The following RGS6 variants were observed in gnomAD, a reference collection of about 807,000 sequenced individuals.
RGS6 encodes the protein regulator of G protein signaling 6, also known as regulator of G-protein signaling 6.
A neutral mutation model predicts 78.5 loss-of-function variants in RGS6; 30 were observed. The ratio of observed to expected loss-of-function variants is 0.38; its 90% CI spans 0.29 to 0.52. The LOEUF is 0.52. RGS6 is among the 20% of genes least tolerant of loss of function. The pLI, the probability that RGS6 is intolerant of heterozygous loss-of-function variation, is 0.85. For missense variants in RGS6, 495 were observed against 609.7 expected (o/e 0.81, Z 1.98); for synonymous variants, 206 against 206.0 (o/e 1.00, Z 0.00).
chr14:72,021,891 AG>A (rs2088677368), intron 2 of RGS6, among the ~76,000 whole-genome samples: 1 of 152,018 alleles, frequency 6.6e-6, no homozygotes, highest in Non-Finnish European at 1.5e-5. Context: ...TATTAAGCCT[AG>A]TACCCAATAA....
In RGS6 at chr14:72,021,464, CTTT is replaced by C. The variant is rs533727083; in HGVS notation, c.84+56608_84+56610del. 4.6e-3 allele frequency among the ~76,000 whole-genome samples: 566 copies of C among 122,348 alleles called. 4 individuals are homozygous for C. The highest frequency in any genetic ancestry group is 0.015 in the African/African-American group (463 of 31,532). 80.3% of individuals were successfully genotyped at this position (122,348 alleles called of 152,430 possible). A position where few individuals can be genotyped will look rare whatever the true frequency, so the allele number is the denominator to read the frequency against. ...TTTTTTTCTTTTTTCCTTTTTCTAACTTTTTTTTTTTTTTTTTTTTTGAGATGG... is the reference window on the plus strand; with the variant it reads ...TTTTTTTCTTTTTTCCTTTTTCTAACTTTTTTTTTTTTTTTTTTGAGATGG... On this transcript the variant is annotated intron_variant, in intron 2 of 17. Transcript: ENST00000553525.
intron 15 of RGS6, among the ~76,000 whole-genome samples, chr14:72,525,221 T>C (rs2097102995): frequency 6.6e-6 from 1 of 152,164 alleles, no homozygotes; most frequent in Non-Finnish European, 1.5e-5. Context: ...GAGACAACCT[T>C]GGGGAGTACA....
At chr14:71,920,899 CAATT>C in the RGS6 span, among the ~76,000 whole-genome samples, 1 of 152,006 alleles carries the variant, frequency 6.6e-6, no homozygotes, top group Non-Finnish European at 1.5e-5. Flanking sequence ...GCAAAGGAAA[CAATT>C]AACAGAGTAA....
chr14:72,383,299 G>T (rs2086826739), intron 3 of RGS6, among the ~76,000 whole-genome samples: 2 of 150,786 alleles, frequency 1.3e-5, no homozygotes, highest in African/African-American at 4.9e-5. Context: ...GTATCACGAG[G>T]TGGGACTAAA....
intron 2 of RGS6, among the ~76,000 whole-genome samples, chr14:72,077,687 C>A (rs558814941): frequency 6.6e-6 from 1 of 152,158 alleles, no homozygotes; most frequent in Non-Finnish European, 1.5e-5. Context: ...ATACTTACAT[C>A]TAAAGAACAA....
intron 3 of RGS6, among the ~76,000 whole-genome samples, chr14:72,420,350 G>C (rs1479226183): frequency 1.3e-5 from 2 of 152,220 alleles, no homozygotes; most frequent in Non-Finnish European, 2.9e-5. Context: ...ATTGGGAGAA[G>C]CTAGAGATTT....
At chr14:72,007,657 G>A (rs2084835301) in intron 2 of RGS6, among the ~76,000 whole-genome samples, 1 of 152,118 alleles carries the variant, frequency 6.6e-6, no homozygotes. Flanking sequence ...TCTCAGGGAA[G>A]CCAAAAGATT....
chr14:72,381,335 A>T (rs902140383), intron 3 of RGS6, among the ~76,000 whole-genome samples: 10 of 152,144 alleles, frequency 6.6e-5, no homozygotes, highest in Non-Finnish European at 1.5e-5. Context: ...AATGTTTGAG[A>T]TGATAGACTA....
intron 2 of RGS6, among the ~76,000 whole-genome samples, chr14:72,233,111 G>A (rs111717202): frequency 1.3e-5 from 2 of 152,312 alleles, no homozygotes; most frequent in African/African-American, 2.4e-5. Context: ...GAGGGAGCAG[G>A]CCCCAGAAGG....
At chr14:72,254,428 C>CT (rs1399525155) in intron 2 of RGS6, among the ~76,000 whole-genome samples, 2 of 152,076 alleles carry the variant, frequency 1.3e-5, no homozygotes, top group Non-Finnish European at 2.9e-5. Context: ...CTTCCTTTGC[C>CT]TTATCCCCTT....
chr14:72,261,510 T>A (rs1182696721), intron 2 of RGS6, among the ~76,000 whole-genome samples: 1 of 152,058 alleles, frequency 6.6e-6, no homozygotes, highest in Non-Finnish European at 1.5e-5. Context: ...GTGAAAGTGA[T>A]GGAAAAATGA....
chr14:72,447,282 C>T (rs2095389366), intron 3 of RGS6, among the ~76,000 whole-genome samples: 1 of 151,986 alleles, frequency 6.6e-6, no homozygotes, highest in African/African-American at 2.4e-5. Flanking sequence ...TGCTTTCTGC[C>T]CTCACTTCCG....
intron 16 of RGS6, among the ~76,000 whole-genome samples, chr14:72,536,806 C>A (rs933825193): frequency 2.0e-5 from 3 of 152,122 alleles, no homozygotes; most frequent in African/African-American, 7.2e-5. Flanking sequence ...CTTGACACCC[C>A]CTTCCTCTCC....
chr14:72,107,243 CAAAAA>C (rs375088598), intron 2 of RGS6, among the ~76,000 whole-genome samples: 1 of 145,010 alleles, frequency 6.9e-6, no homozygotes, highest in Non-Finnish European at 1.5e-5. Flanking sequence ...AAGAAAAAAA[CAAAAA>C]AAAAACATGA....
At chr14:72,215,378 G>T (rs1380746507) in intron 2 of RGS6, among the ~76,000 whole-genome samples, 1 of 152,164 alleles carries the variant, frequency 6.6e-6, no homozygotes, top group African/African-American at 2.4e-5. Context: ...GTTTCTCCCT[G>T]TTAGAAATGC....
intron 6 of RGS6, among the ~76,000 whole-genome samples, 156 bp downstream of exon 6, chr14:72,459,839 T>C (rs2153233597): frequency 6.6e-6 from 1 of 152,298 alleles, no homozygotes; most frequent in Middle Eastern, 3.4e-3. Flanking sequence ...ATAACAAATC[T>C]CCTGTTCCAC....
chr14:72,161,487 G>C (rs2096852784), intron 2 of RGS6, among the ~76,000 whole-genome samples: 1 of 152,176 alleles, frequency 6.6e-6, no homozygotes, highest in South Asian at 2.1e-4. Context: ...GGAAGAATCT[G>C]TGCGAATCTC....
chr14:72,429,235 T>C (rs1323629575), intron 3 of RGS6, among the ~76,000 whole-genome samples: 1 of 152,104 alleles, frequency 6.6e-6, no homozygotes, highest in African/African-American at 2.4e-5. Flanking sequence ...TCTAATAAAT[T>C]CCCAAGTGAT....
At chr14:72,177,452 A>G (rs908480125) in intron 2 of RGS6, among the ~76,000 whole-genome samples, 1 of 152,202 alleles carries the variant, frequency 6.6e-6, no homozygotes, top group African/African-American at 2.4e-5. Flanking sequence ...CAGGGGAAGC[A>G]TGGCACCAGT....
Sources: gnomAD v4.1 joint callset for allele counts (sites outside exome capture counted in the v4.1 genomes callset) on GRCh38, gnomAD v4.1.1 for gene constraint, MANE v1.5 for transcripts, NCBI Gene and HGNC (gene_info 2026-07-23, HGNC 2026-07-21) for gene names.